The following MYO18A variants were observed in gnomAD, a reference collection of about 807,000 sequenced individuals.
MYO18A encodes myosin XVIIIA.
A neutral mutation model predicts 235.8 loss-of-function variants in MYO18A; 78 were observed. The observed-to-expected ratio is 0.33, with a 90% CI of 0.28 to 0.40. The LOEUF (loss-of-function observed/expected upper bound fraction) is 0.40. Among genes scored for constraint, MYO18A ranks in the 10% least tolerant of loss-of-function variants. The pLI is 1.00. For missense variants in MYO18A, 2,215 were observed against 2,699.3 expected (o/e 0.82, Z 3.98); for synonymous variants, 977 against 1,077.8 (o/e 0.91, Z 1.83).
rs780630886 is a variant in MYO18A, at chr17:29,110,542, C to A, written c.2981G>T (p.Gly994Val). The A allele has an allele frequency of 6.2e-7, 1 of 1,611,260 alleles. No homozygotes were observed. Among genetic ancestry groups the A allele is most frequent in the South Asian group, 1.1e-5 (1 of 90,450 alleles). Residue 994 changes from glycine to valine, a missense_variant, in exon 18 of 42, where the codon GGC (glycine) becomes GTC (valine). Physicochemically the swap from Gly to Val is moderately radical, Grantham distance 109. Transcript: ENST00000527372. ...LSGSIAGLEGGSQLALRRATS... is the reference protein window; with the variant it reads ...LSGSIAGLEGVSQLALRRATS... ...GGCCCGGCGCAGTGCCAGCTGCGAG[C>A]CGCCCTCCAGGCCCGCGATGGAGCC...
At chr17:29,154,572 G>A (rs1476854780) in intron 2 of MYO18A, among the ~76,000 whole-genome samples, 1 of 152,218 alleles carries the variant, frequency 6.6e-6, no homozygotes, top group Non-Finnish European at 1.5e-5. Context: ...TTCTCAGGCA[G>A]GGGGCCCAGT....
At chr17:29,154,932 C>T (rs1251391608) in intron 2 of MYO18A, among the ~76,000 whole-genome samples, 3 of 152,212 alleles carry the variant, frequency 2.0e-5, no homozygotes, top group Non-Finnish European at 2.9e-5. Context: ...GAACTAACCA[C>T]ACAAGGAGAT....
At position 29,098,205 on chromosome 17, in the gene MYO18A, T is replaced by G; in HGVS notation, c.3890A>C (p.Glu1297Ala). The G allele has an allele frequency of 6.2e-7, 1 of 1,613,942 alleles. No individual in the cohort carries two copies. The highest frequency in any genetic ancestry group is 8.5e-7 in the Non-Finnish European group (1 of 1,179,854). ...LESRISELTS[E>A]LTDERNTGES... is the part of the protein sequence containing the mutation. ...TCCTGTGTTACGCTCATCTGTCAGC[T>G]CCGATGTCAGCTCTGAGATCTGGGG... Residue 1297 changes from glutamate to alanine, a missense_variant, in exon 25 of 42, where the codon GAG (glutamate) becomes GCG (alanine). Coordinates refer to ENST00000527372, the MANE Select transcript of MYO18A (RefSeq NM_078471.4).
chr17:29,122,376 GGT>G, intron 2 of MYO18A, 123 bp from the exon 3 acceptor site: 1 of 831,152 alleles, frequency 1.2e-6, no homozygotes, highest in Non-Finnish European at 2.0e-6. Context: ...GAATGAGTTA[GGT>G]GACAGACACA....
At chr17:29,148,120 T>C (rs1215649604) in intron 2 of MYO18A, among the ~76,000 whole-genome samples, 1 of 152,010 alleles carries the variant, frequency 6.6e-6, no homozygotes, top group Non-Finnish European at 1.5e-5. Flanking sequence ...TGGGAAGATA[T>C]ATTTTGTTAA....
intron 2 of MYO18A, among the ~76,000 whole-genome samples, chr17:29,163,405 G>A (rs982982260): frequency 6.6e-6 from 1 of 152,216 alleles, no homozygotes; most frequent in South Asian, 2.1e-4. Flanking sequence ...GCTTCTTTCA[G>A]CCCTATGTGT....
intron 2 of MYO18A, among the ~76,000 whole-genome samples, chr17:29,156,061 T>TCC (rs1265354746): frequency 2.0e-5 from 3 of 152,116 alleles, no homozygotes; most frequent in Non-Finnish European, 4.4e-5. Context: ...ACCCACTCTC[T>TCC]CCTCCCTGGT....
chr17:29,172,337 C>T (rs758317783), intron 1 of MYO18A, among the ~76,000 whole-genome samples: 9 of 151,988 alleles, frequency 5.9e-5, no homozygotes, highest in African/African-American at 9.7e-5. Flanking sequence ...TGGTGGCATG[C>T]GCCTGTAATC....
intron 21 of MYO18A, among the ~76,000 whole-genome samples, chr17:29,102,342 G>C (rs1329032873): frequency 6.6e-6 from 1 of 152,224 alleles, no homozygotes; most frequent in Non-Finnish European, 1.5e-5. Flanking sequence ...TGAGAGGCAG[G>C]AATCCTGGCG....
In MYO18A at chr17:29,100,765, A is replaced by G. The variant is rs1233675371; in HGVS notation, c.3508-1003T>C. Among the ~76,000 whole-genome samples, 2 of 152,236 alleles carry G rather than the reference A, an allele frequency of 1.3e-5. 1 individual carries two copies. Among genetic ancestry groups the G allele is most frequent in the Admixed American group, 1.3e-4 (2 of 15,292 alleles). ...GAACATCATGGGAAACACAGGTTAC[A>G]TAAATGCACTCAGCCAACAGACACA... On this transcript the variant is annotated intron_variant, in intron 21 of 41. Coordinates refer to ENST00000527372, the MANE Select transcript of MYO18A (RefSeq NM_078471.4).
chr17:29,098,034 TG>T, intron 25 of MYO18A, 70 bp downstream of exon 25: 3 of 1,592,698 alleles, frequency 1.9e-6, no homozygotes, highest in Admixed American at 1.7e-5. Context: ...CAACTGTCTT[TG>T]GGGGGAGCCA....
chr17:29,096,226 G>A (rs2066516026), intron 28 of MYO18A, among the ~76,000 whole-genome samples: 1 of 152,176 alleles, frequency 6.6e-6, no homozygotes, highest in African/African-American at 2.4e-5. Flanking sequence ...TGTTCCTAGG[G>A]TGTGTGGGTT....
At chr17:29,168,945 G>A (rs569683965) in intron 1 of MYO18A, among the ~76,000 whole-genome samples, 27 of 152,102 alleles carry the variant, frequency 1.8e-4, no homozygotes, top group Non-Finnish European at 3.4e-4. Flanking sequence ...CGAGGTGGGC[G>A]GATCACCAGA....
chr17:29,171,565 G>A (rs554540131), intron 1 of MYO18A, among the ~76,000 whole-genome samples: 13 of 152,272 alleles, frequency 8.5e-5, no homozygotes, highest in East Asian at 3.9e-4. Context: ...ATATACTGAT[G>A]TCTACGTTTT....
chr17:29,174,896 T>C (rs2068489046), intron 1 of MYO18A, among the ~76,000 whole-genome samples: 1 of 152,194 alleles, frequency 6.6e-6, no homozygotes, highest in Non-Finnish European at 1.5e-5. Context: ...TACACTGACC[T>C]GGAAAGATTC....
chr17:29,152,288 T>C (rs1052259676), intron 2 of MYO18A, among the ~76,000 whole-genome samples: 7 of 152,026 alleles, frequency 4.6e-5, no homozygotes, highest in African/African-American at 1.2e-4. Flanking sequence ...ACAAAATAAA[T>C]TGTAGAAAGA....
Position 29,111,427 on chromosome 17 carries a change from T to A in MYO18A, c.2897A>T (p.Gln966Leu). Residue 966 changes from glutamine to leucine, a missense_variant, in exon 17 of 42, where the codon CAG (glutamine) becomes CTG (leucine). Gln to Leu is a moderately radical substitution (Grantham distance 113). Coordinates refer to ENST00000527372, the MANE Select transcript of MYO18A (RefSeq NM_078471.4). This position sits in a 1 kb window ranked among gnomAD's most constrained non-coding sequence, Gnocchi z 5.1. ...QNAPRLLQDS[Q>L]KKIISNLFLG... ...GCGGAGGGAGTGGTGGTCTTACTTC[T>A]GGGAGTCCTGCAGGAGCCGGGGGGC... is the stretch of plus-strand genomic sequence containing the variant. 1 of 1,612,032 alleles carries A rather than the reference T, an allele frequency of 6.2e-7. No homozygotes were observed. The highest frequency in any genetic ancestry group is 8.5e-7 in the Non-Finnish European group (1 of 1,179,190).
At chr17:29,085,363 C>A (rs2066227328) in intron 40 of MYO18A, among the ~76,000 whole-genome samples, 1 of 152,228 alleles carries the variant, frequency 6.6e-6, no homozygotes, top group South Asian at 2.1e-4. Context: ...AGGAGCCCCC[C>A]CATCCTGCCC....
chr17:29,116,573 T>G (rs551441118), intron 10 of MYO18A, 118 bp from the exon 11 acceptor site: 1 of 1,137,032 alleles, frequency 8.8e-7, no homozygotes. Context: ...TGAGGATGAG[T>G]AGGCAAGAAA....
Sources: gnomAD v4.1 joint callset for allele counts (sites outside exome capture counted in the v4.1 genomes callset) on GRCh38, gnomAD v4.1.1 for gene constraint, Gnocchi (gnomAD v3.1) non-coding constraint, MANE v1.5 for transcripts, NCBI Gene and HGNC (gene_info 2026-07-23, HGNC 2026-07-21) for gene names.